The following DHCR24 variants were observed in gnomAD, a reference collection of about 807,000 sequenced individuals.
The protein encoded by DHCR24 is 24-dehydrocholesterol reductase.
A neutral mutation model predicts 61.2 loss-of-function variants in DHCR24; 28 were observed. The ratio of observed to expected loss-of-function variants is 0.46; its 90% confidence interval spans 0.34 to 0.63. DHCR24 has a LOEUF of 0.63. Ranked by LOEUF, DHCR24 falls within the 20% of genes least tolerant of loss-of-function variation. DHCR24 has a pLI of 0.01. For synonymous variants in DHCR24, 261 were observed against 275.9 expected, an observed-to-expected ratio of 0.95 and a Z score of 0.54; for missense variants, 538 against 679.1, an observed-to-expected ratio of 0.79 and a Z score of 2.31.
chr1:54,865,186 C>T, intron 6 of DHCR24, 117 bp downstream of exon 6: 1 of 1,335,632 alleles, frequency 7.5e-7, no homozygotes, highest in South Asian at 1.3e-5. Context: ...ATTGCAGTTC[C>T]TTAGGACAAA....
chr1:54,877,309 C>T (rs1647038952), intron 2 of DHCR24, among the ~76,000 whole-genome samples: 1 of 151,812 alleles, frequency 6.6e-6, no homozygotes, highest in Admixed American at 6.5e-5. Context: ...TGACCATCAT[C>T]TCTTATCATT....
intron 5 of DHCR24, among the ~76,000 whole-genome samples, chr1:54,869,588 T>TATAC (rs1553121527): frequency 1.3e-5 from 2 of 150,354 alleles, no homozygotes; most frequent in Non-Finnish European, 3.0e-5. Flanking sequence ...CACATACATA[T>TATAC]ACACACACAC....
Position 54,852,301 on chromosome 1 carries a change from C to A in DHCR24, c.1483G>T (p.Glu495Ter). 1.2e-6 allele frequency: 2 copies of A among 1,614,238 alleles called. No individual in the cohort carries two copies. The highest frequency in any genetic ancestry group is 4.5e-5 in the East Asian group (2 of 44,880). ...FDGSLYHKLR[E>*]KLGCQDAFPE... Reference sequence around the variant, plus strand: ...AAGGCGTCCTGGCAACCCAGCTTCTCTCGCAGCTTGTGGTACAAGGAGCCA... The same window carrying A: ...AAGGCGTCCTGGCAACCCAGCTTCTATCGCAGCTTGTGGTACAAGGAGCCA... Residue 495 changes from glutamate (E) to a stop codon, truncating the protein, a stop_gained, in exon 9 of 9, where the codon GAG becomes TAG. Coordinates refer to ENST00000371269, the MANE Select transcript of DHCR24 (RefSeq NM_014762.4). LOFTEE classifies it high-confidence loss of function.
chr1:54,871,255 G>A, intron 5 of DHCR24, 95 bp downstream of exon 5: 2 of 1,515,320 alleles, frequency 1.3e-6, no homozygotes, highest in Non-Finnish European at 1.8e-6. Context: ...GCCTTGAAGA[G>A]GTGGCTGCCA....
chr1:54,855,736 G>C (rs567428817), intron 6 of DHCR24, among the ~76,000 whole-genome samples: 16 of 152,362 alleles, frequency 1.1e-4, no homozygotes, highest in African/African-American at 3.8e-4. Flanking sequence ...TCTTCTGTTA[G>C]ATCCTGCGCC....
rs898718818 is a variant in DHCR24, at chr1:54,853,725, C to T, written c.1219-113G>A. ...AGGCTTTGCAGCATTCTCAAGACCC[C>T]CTCAGGTGCTCTCAGCTTCACTGCC... On this transcript the variant is annotated intron_variant, in intron 7 of 8. Transcript: ENST00000371269. 3.2e-6 allele frequency: 4 copies of T among 1,259,986 alleles called. No individual in the cohort carries two copies. The Admixed American group carries it at 6.0e-5, about 19-fold the overall frequency. The allele number at this position is 1,259,986 out of a possible 1,614,324, so 78.1% of individuals were successfully genotyped here. A position where few individuals can be genotyped will look rare whatever the true frequency, so the allele number is the denominator to read the frequency against.
intron 7 of DHCR24, 33 bp downstream of exon 7, chr1:54,854,004 C>T (rs1289879973): frequency 6.3e-7 from 1 of 1,590,868 alleles, no homozygotes; most frequent in Admixed American, 1.7e-5. Context: ...AGGGAATGCA[C>T]CTGGTGCGCC....
intron 1 of DHCR24, chr1:54,886,646 CCTT>C (rs759331754): frequency 1.3e-5 from 19 of 1,488,442 alleles, no homozygotes; most frequent in South Asian, 7.3e-5. Flanking sequence ...CCCCTCTTCC[CCTT>C]CTTCATCTCC....
intron 6 of DHCR24, among the ~76,000 whole-genome samples, chr1:54,865,073 T>C (rs1383976167): frequency 2.6e-5 from 4 of 152,174 alleles, no homozygotes; most frequent in Non-Finnish European, 5.9e-5. Context: ...GCCCAGGGGC[T>C]TACTCCCCAG....
rs898034075 is a variant in DHCR24 at position 54,851,586 on chromosome 1, C to T, written c.*647G>A. 1.3e-5 allele frequency: 2 copies of T among 154,410 alleles called. No homozygotes were observed. Among genetic ancestry groups the T allele is most frequent in the African/African-American group, 4.8e-5 (2 of 41,472 alleles). 9.6% of individuals were successfully genotyped at this position (154,410 alleles called of 1,614,324 possible). On this transcript the variant is annotated 3_prime_UTR_variant, in exon 9 of 9. Coordinates refer to ENST00000371269, the MANE Select transcript of DHCR24 (RefSeq NM_014762.4). Reference sequence around the variant, plus strand: ...GAAGGAGGAAGGGGCAGGACGGCACCAAGGATGGCAGGGAGAACTTTGGCC... The same window carrying T: ...GAAGGAGGAAGGGGCAGGACGGCACTAAGGATGGCAGGGAGAACTTTGGCC...
At chr1:54,872,539 G>T (rs1388088426) in intron 4 of DHCR24, among the ~76,000 whole-genome samples, 1 of 152,146 alleles carries the variant, frequency 6.6e-6, no homozygotes, top group East Asian at 1.9e-4. Context: ...CAGGCTGGCA[G>T]AAACCTCAGG....
intron 6 of DHCR24, among the ~76,000 whole-genome samples, chr1:54,859,314 C>T (rs1646923518): frequency 2.0e-5 from 3 of 151,976 alleles, no homozygotes; most frequent in Middle Eastern, 3.2e-3. Context: ...GCCAGGACCA[C>T]CCAGATCAGC....
intron 8 of DHCR24, among the ~76,000 whole-genome samples, chr1:54,853,185 G>GT (rs942793708): frequency 2.0e-5 from 3 of 151,882 alleles, no homozygotes; most frequent in Admixed American, 6.6e-5. Context: ...GGGGCTGCTG[G>GT]GGGGGTGTGA....
At chr1:54,853,978 G>A in intron 7 of DHCR24, 59 bp downstream of exon 7, 3 of 1,520,066 alleles carry the variant, frequency 2.0e-6, no homozygotes, top group Non-Finnish European at 2.7e-6. Flanking sequence ...TTCAGGGGAG[G>A]AGACCATGGA....
At chr1:54,881,073 C>T (rs1337639597) in intron 2 of DHCR24, among the ~76,000 whole-genome samples, 1 of 152,196 alleles carries the variant, frequency 6.6e-6, no homozygotes, top group African/African-American at 2.4e-5. Context: ...TCACCGGAAC[C>T]TGGGAGGCGG....
chr1:54,873,568 T>C, intron 4 of DHCR24, among the ~76,000 whole-genome samples: 1 of 152,230 alleles, frequency 6.6e-6, no homozygotes, highest in Non-Finnish European at 1.5e-5. Flanking sequence ...CCCTGAAGAC[T>C]TTCCAGTGGG....
intron 5 of DHCR24, among the ~76,000 whole-genome samples, chr1:54,870,678 C>T (rs892302253): frequency 4.6e-5 from 7 of 152,202 alleles, no homozygotes; most frequent in African/African-American, 7.2e-5. Context: ...GGCCCCTGAA[C>T]GCTTTCAATC....
chr1:54,852,468 C>T, intron 8 of DHCR24, 82 bp from the exon 9 acceptor site: 1 of 1,516,744 alleles, frequency 6.6e-7, no homozygotes, highest in East Asian at 2.2e-5. Context: ...GCTCATTCTG[C>T]AGCCCAGAAA....
chr1:54,875,027 C>G, intron 4 of DHCR24, 66 bp downstream of exon 4: 1 of 1,414,480 alleles, frequency 7.1e-7, no homozygotes, highest in Non-Finnish European at 1.0e-6. Context: ...GGAGCCACCT[C>G]CCTGACCTCA....
Sources: allele counts gnomAD v4.1 joint callset (sites outside exome capture counted in the v4.1 genomes callset), GRCh38; gene constraint gnomAD v4.1.1; transcripts MANE v1.5; gene names NCBI Gene and HGNC (gene_info 2026-07-23, HGNC 2026-07-21).